Variants in MCTP2 observed in about 807,000 individuals in gnomAD.
The protein encoded by MCTP2 is multiple C2 and transmembrane domain containing 2.
Under a neutral mutation model 111.6 loss-of-function variants are expected in MCTP2, and 132 were observed. That is an observed-to-expected ratio of 1.18 (90% CI 1.03 to 1.37). The LOEUF (loss-of-function observed/expected upper bound fraction) is 1.37, where lower values mean the gene tolerates loss of function less well. MCTP2 is among the 40% of genes most tolerant of loss of function. The probability of loss-of-function intolerance (pLI) is 0.00; values close to 1 mark genes in which losing one functional copy is unlikely to be tolerated. For synonymous variants in MCTP2, 395 were observed against 387.7 expected, an observed-to-expected ratio of 1.02 and a Z score of -0.22; for missense variants, 1,183 against 1,067.9, an observed-to-expected ratio of 1.11 and a Z score of -1.50.
rs186633917 is a variant in MCTP2, at chr15:94,285,116, G to T, written c.-65-13085G>T. On this transcript the variant is annotated intron_variant, in intron 1 of 22. Coordinates refer to ENST00000357742, the MANE Select transcript of MCTP2 (RefSeq NM_001385001.1). ...TAGTGGCAAAGAGAAAAGTGGATGA[G>T]AAAATCTGGAAGAACCCAGGCATAA... 2.0e-4 allele frequency among the ~76,000 whole-genome samples: 31 copies of T among 152,274 alleles called. No homozygotes were observed. In the East Asian group the frequency reaches 3.1e-3, roughly 15 times the overall value.
At chr15:94,351,238 A>T (rs570169769) in intron 8 of MCTP2, among the ~76,000 whole-genome samples, 1 of 152,222 alleles carries the variant, frequency 6.6e-6, no homozygotes, top group African/African-American at 2.4e-5. Context: ...AGGAGAATTT[A>T]TGGGTCCAGT....
intron 12 of MCTP2, among the ~76,000 whole-genome samples, chr15:94,377,105 C>T (rs184939405): frequency 3.9e-5 from 6 of 152,158 alleles, no homozygotes; most frequent in Admixed American, 1.3e-4. Flanking sequence ...TGTTTTGAAA[C>T]GTTAAGACTG....
chr15:94,329,157 C>G (rs192246613), intron 4 of MCTP2, among the ~76,000 whole-genome samples: 156 of 152,232 alleles, frequency 1.0e-3, no homozygotes, highest in Non-Finnish European at 1.8e-3. Context: ...AGATACCCTA[C>G]TTTTTTATTA....
At chr15:94,473,086 A>G (rs2152542493) in intron 21 of MCTP2, among the ~76,000 whole-genome samples, 2 of 152,280 alleles carry the variant, frequency 1.3e-5, no homozygotes, top group East Asian at 3.9e-4. Context: ...AAAAAATGTA[A>G]CTATATATAC....
intron 1 of MCTP2, among the ~76,000 whole-genome samples, chr15:94,233,303 A>T (rs1389081002): frequency 6.6e-6 from 1 of 152,016 alleles, no homozygotes; most frequent in Non-Finnish European, 1.5e-5. Context: ...AGGCCTTTCA[A>T]AATATGTTAA....
At chr15:94,366,410 A>G (rs938585397) in intron 10 of MCTP2, among the ~76,000 whole-genome samples, 7 of 152,208 alleles carry the variant, frequency 4.6e-5, no homozygotes, top group African/African-American at 1.7e-4. Context: ...AAAATCTTGT[A>G]ATAAAGTCTA....
chr15:94,276,122 G>A (rs2074195091), intron 1 of MCTP2, among the ~76,000 whole-genome samples: 1 of 152,158 alleles, frequency 6.6e-6, no homozygotes, highest in Admixed American at 6.5e-5. Flanking sequence ...GGGATTACAG[G>A]TGTGAGCCAC....
At position 94,384,173 on chromosome 15, in the gene MCTP2, T is replaced by C. The variant is rs1319779328; in HGVS notation, c.1685+49T>C. The C allele has an allele frequency of 4.6e-6, 6 of 1,294,110 alleles. No individual in the cohort carries two copies. In the Admixed American group the frequency reaches 1.1e-4, roughly 23 times the overall value. The allele number at this position is 1,294,110 out of a possible 1,614,324, so 80.2% of individuals were successfully genotyped here. On this transcript the variant is annotated intron_variant, in intron 13 of 22. Coordinates refer to ENST00000357742, the MANE Select transcript of MCTP2 (RefSeq NM_001385001.1). ...TATTTCTGCTGTGCTTGGAAGGTAGTCTGGGGCTCTTGAGTGGAATTTTCT... is the reference window on the plus strand; with the variant it reads ...TATTTCTGCTGTGCTTGGAAGGTAGCCTGGGGCTCTTGAGTGGAATTTTCT...
intron 10 of MCTP2, among the ~76,000 whole-genome samples, chr15:94,363,055 C>T (rs2079016450): frequency 6.6e-6 from 1 of 152,058 alleles, no homozygotes. Flanking sequence ...AATTCCTTTC[C>T]TACATAGGGG....
intron 17 of MCTP2, among the ~76,000 whole-genome samples, chr15:94,437,354 A>G (rs2152507285): frequency 6.6e-6 from 1 of 152,150 alleles, no homozygotes; most frequent in East Asian, 1.9e-4. Context: ...ATGTGAATAT[A>G]TAAAAATTAG....
At chr15:94,449,458 G>A (rs925068573) in intron 19 of MCTP2, among the ~76,000 whole-genome samples, 4 of 152,154 alleles carry the variant, frequency 2.6e-5, no homozygotes, top group South Asian at 2.1e-4. Flanking sequence ...ACCATGCTCC[G>A]TTATTGTGAA....
At chr15:94,399,864 T>C (rs1349781517) in intron 15 of MCTP2, 57 bp from the exon 16 acceptor site, 1 of 1,465,734 alleles carries the variant, frequency 6.8e-7, no homozygotes, top group Non-Finnish European at 9.6e-7. Context: ...TTAAGAAAAC[T>C]AGGTGGATGA....
rs1468213609 is a variant in MCTP2, at chr15:94,370,111, G to A, written c.1513G>A (p.Val505Met). The A allele has an allele frequency of 3.1e-6, 5 of 1,612,820 alleles. No homozygotes were observed. The highest frequency in any genetic ancestry group is 1.7e-5 in the Admixed American group (1 of 59,792). Residue 505 changes from valine to methionine, a missense_variant, in exon 12 of 23, where the codon GTG (valine) becomes ATG (methionine). By Grantham distance (21) the Val-to-Met change is conservative (BLOSUM62 1). Transcript: ENST00000357742. ...GTGCTTACAGAACTCCCTGAAAGAT[G>A]TGAAAGACGTCGGCATTCTACAAGT... is the stretch of plus-strand genomic sequence containing the variant. ...RYCLQNSLKDVKDVGILQVKV... is the reference protein window; with the variant it reads ...RYCLQNSLKDMKDVGILQVKV...
Position 94,384,129 on chromosome 15 carries a change from G to T in MCTP2, c.1685+5G>T. On this transcript the variant is annotated splice_donor_5th_base_variant and intron_variant, in intron 13 of 22. Transcript: ENST00000357742. ...ATGGAACAAAGTTTTTACATTGTAAGTGCTTTAGCCTCTGGAATTATTTCT... is the reference window on the plus strand; with the variant it reads ...ATGGAACAAAGTTTTTACATTGTAATTGCTTTAGCCTCTGGAATTATTTCT... The T allele has an allele frequency of 6.3e-7, 1 of 1,599,100 alleles. No homozygotes were observed. The highest frequency in any genetic ancestry group is 8.6e-7 in the Non-Finnish European group (1 of 1,167,194).
chr15:94,412,308 A>G, intron 17 of MCTP2, among the ~76,000 whole-genome samples: 1 of 150,140 alleles, frequency 6.7e-6, no homozygotes, highest in East Asian at 1.9e-4. Flanking sequence ...TTTTTTAGGT[A>G]CATTTTCCCT....
intron 14 of MCTP2, among the ~76,000 whole-genome samples, chr15:94,398,459 A>G (rs1234588980): frequency 1.3e-5 from 2 of 152,206 alleles, no homozygotes; most frequent in African/African-American, 4.8e-5. Context: ...TAACATTGTT[A>G]CCTTGTGATT....
chr15:94,302,204 A>G (rs1368844), intron 2 of MCTP2, among the ~76,000 whole-genome samples: 129,700 of 152,194 alleles, frequency 0.85, 55,699 homozygotes, highest in East Asian at 0.99. Context: ...AAGTGGGGAG[A>G]TTACTCTGAG....
chr15:94,313,251 C>G (rs1350354749), intron 2 of MCTP2, among the ~76,000 whole-genome samples: 1 of 152,176 alleles, frequency 6.6e-6, no homozygotes, highest in Admixed American at 6.5e-5. Context: ...ACATTCAGCC[C>G]AGAAACTCTG....
At chr15:94,305,299 T>C (rs545497684) in intron 2 of MCTP2, among the ~76,000 whole-genome samples, 1 of 152,174 alleles carries the variant, frequency 6.6e-6, no homozygotes, top group South Asian at 2.1e-4. Context: ...TTCTGTTGTT[T>C]AAGCCACCTA....
Sources: gnomAD v4.1 joint callset for allele counts (sites outside exome capture counted in the v4.1 genomes callset) on GRCh38, gnomAD v4.1.1 for gene constraint, MANE v1.5 for transcripts, NCBI Gene and HGNC (gene_info 2026-07-23, HGNC 2026-07-21) for gene names.